Variants in NEDD9 observed in about 807,000 individuals in gnomAD.
The protein encoded by NEDD9 is enhancer of filamentation 1.
A neutral mutation model predicts 76.6 loss-of-function variants in NEDD9; 26 were observed. The ratio of observed to expected loss-of-function variants is 0.34; its 90% CI spans 0.25 to 0.47. The LOEUF (loss-of-function observed/expected upper bound fraction) is 0.47. Ranked by LOEUF, NEDD9 falls within the 20% of genes least tolerant of loss-of-function variation. The probability of loss-of-function intolerance (pLI) is 1.00; values close to 1 mark genes in which losing one functional copy is unlikely to be tolerated. For synonymous variants in NEDD9, 392 were observed against 414.2 expected (o/e 0.95, Z 0.65); for missense variants, 937 against 1,058.5 (o/e 0.89, Z 1.59).
intron 6 of NEDD9, 55 bp downstream of exon 6, chr6:11,188,163 T>A: frequency 1.5e-6 from 2 of 1,293,922 alleles, no homozygotes; most frequent in Admixed American, 3.4e-5. Context: ...CTTTCCTTAG[T>A]GCTAGGTGGG....
At chr6:11,294,373 G>A (rs957042123) in intron 3 of NEDD9, among the ~76,000 whole-genome samples, 1 of 152,100 alleles carries the variant, frequency 6.6e-6, no homozygotes, top group Non-Finnish European at 1.5e-5. Context: ...GTTGGATCAT[G>A]GGGGTGGATT....
chr6:11,370,812 A>T lies in NEDD9; in HGVS notation c.-214+11327T>A, dbSNP rs1762861107. On this transcript the variant is annotated intron_variant, in intron 1 of 3. Transcript: ENST00000397378. This position sits in a 1 kb window ranked among gnomAD's most constrained non-coding sequence, Gnocchi z 4.2. Reference sequence around the variant, plus strand: ...CCCACGGAGCCAACGGTTCAGAGGCAGAAACAGACCATAAGCCAGTACGTC... The same window carrying T: ...CCCACGGAGCCAACGGTTCAGAGGCTGAAACAGACCATAAGCCAGTACGTC... 6.6e-6 allele frequency among the ~76,000 whole-genome samples: 1 copy of T among 152,250 alleles called. No homozygotes were observed. Among genetic ancestry groups the T allele is most frequent in the Non-Finnish European group, 1.5e-5 (1 of 68,038 alleles).
rs556572449 is a variant in NEDD9, at chr6:11,379,682, C to T, written c.-214+2457G>A. ...CCTACAAATTAAAAAAAAAACAGGC[C>T]GTTGTGGTTTAATATAAGGTAACCA... On this transcript the variant is annotated intron_variant, in intron 1 of 3. Coordinates refer to the NEDD9 transcript ENST00000397378. 1.1e-3 allele frequency among the ~76,000 whole-genome samples: 170 copies of T among 151,488 alleles called. 1 individual carries two copies. Among genetic ancestry groups the T allele is most frequent in the Non-Finnish European group, 2.2e-3 (151 of 67,858 alleles).
At position 11,297,682 on chromosome 6, in the gene NEDD9, A is replaced by G. The variant is rs951497273; in HGVS notation, c.12+8310T>C. 5.3e-5 allele frequency among the ~76,000 whole-genome samples: 8 copies of G among 152,306 alleles called. No homozygotes were observed. In the East Asian group the frequency reaches 1.4e-3, roughly 26 times the overall value. ...CTTTTTATGTGCTATAAAACTCAGGAAGCTTCTTTTGAGGGCTTAGTACGT... is the reference window on the plus strand; with the variant it reads ...CTTTTTATGTGCTATAAAACTCAGGGAGCTTCTTTTGAGGGCTTAGTACGT... On this transcript the variant is annotated intron_variant, in intron 3 of 3. Transcript: ENST00000397378.
At chr6:11,376,081 C>T (rs1044909002) in intron 1 of NEDD9, among the ~76,000 whole-genome samples, 1 of 152,228 alleles carries the variant, frequency 6.6e-6, no homozygotes, top group African/African-American at 2.4e-5. Context: ...GTCTCGGCCT[C>T]CCAAAGTGCT....
intron 3 of NEDD9, among the ~76,000 whole-genome samples, chr6:11,192,812 A>T (rs1257863121): frequency 2.6e-5 from 4 of 151,324 alleles, no homozygotes; most frequent in Admixed American, 2.0e-4. Flanking sequence ...GCACACCTGT[A>T]GTCCCAGCTA....
chr6:11,269,190 TTGTC>T (rs1343983564), intron 3 of NEDD9, among the ~76,000 whole-genome samples: 1 of 152,332 alleles, frequency 6.6e-6, no homozygotes, highest in African/African-American at 2.4e-5. Flanking sequence ...GCTCTGGACT[TTGTC>T]TGGTTAGGTG....
At chr6:11,192,249 C>G (rs1042301927) in intron 4 of NEDD9, 96 bp downstream of exon 4, 1 of 685,960 alleles carries the variant, frequency 1.5e-6, no homozygotes, top group Non-Finnish European at 2.3e-6. Context: ...TTGTTTTATT[C>G]GAGTGAACTA....
chr6:11,375,920 G>A (rs542426763), intron 1 of NEDD9, among the ~76,000 whole-genome samples: 27 of 152,262 alleles, frequency 1.8e-4, no homozygotes, highest in Admixed American at 4.6e-4. Context: ...CGCCTCCCGG[G>A]TTCATGCCAT....
At chr6:11,240,708 C>G (rs1051608586) in intron 3 of NEDD9, among the ~76,000 whole-genome samples, 4 of 152,182 alleles carry the variant, frequency 2.6e-5, no homozygotes, top group Non-Finnish European at 5.9e-5. Context: ...AATAAATTCA[C>G]TCGACTCTAG....
intron 1 of NEDD9, among the ~76,000 whole-genome samples, chr6:11,366,356 T>C (rs7738560): frequency 0.75 from 106,234 of 142,468 alleles, 38,973 homozygotes; most frequent in African/African-American, 0.88. Flanking sequence ...AAGAAAGAAA[T>C]GAAGAAAGAA....
At chr6:11,381,888 C>A (rs976524343) in intron 1 of NEDD9, among the ~76,000 whole-genome samples, 1 of 152,224 alleles carries the variant, frequency 6.6e-6, no homozygotes, top group African/African-American at 2.4e-5. Flanking sequence ...CAGGAAGCAT[C>A]TACCCAGAAC....
chr6:11,374,601 G>A (rs1762942043), intron 1 of NEDD9, among the ~76,000 whole-genome samples: 2 of 152,178 alleles, frequency 1.3e-5, no homozygotes, highest in South Asian at 4.1e-4. Context: ...ATAACTGTGT[G>A]GTAGCTGCAT....
intron 3 of NEDD9, among the ~76,000 whole-genome samples, chr6:11,291,037 G>A (rs1760750209): frequency 6.6e-6 from 1 of 152,022 alleles, no homozygotes; most frequent in Non-Finnish European, 1.5e-5. Context: ...GAAAGGCCCC[G>A]AGATACTGGA....
At chr6:11,294,006 A>AGTGTGTGTGTGTGTGTGTGTATGT (rs57803150) in intron 3 of NEDD9, among the ~76,000 whole-genome samples, 1 of 150,956 alleles carries the variant, frequency 6.6e-6, no homozygotes, top group Non-Finnish European at 1.5e-5. Context: ...CCATTGTGTA[A>AGTGTGTGTGTGTGTGTGTGTATGT]GTGTGTGTGT....
chr6:11,322,464 G>A (rs996858661), intron 2 of NEDD9, among the ~76,000 whole-genome samples: 1 of 152,148 alleles, frequency 6.6e-6, no homozygotes, highest in African/African-American at 2.4e-5. Context: ...AGAGGTCAAG[G>A]GGCATCTCGT....
intron 3 of NEDD9, among the ~76,000 whole-genome samples, chr6:11,193,153 A>G (rs1758202714): frequency 1.3e-5 from 2 of 148,874 alleles, no homozygotes; most frequent in Non-Finnish European, 3.0e-5. Flanking sequence ...AAATACAAAA[A>G]TTAGTCAGGT....
At chr6:11,205,516 G>GCAAT (rs1758582173) in intron 2 of NEDD9, among the ~76,000 whole-genome samples, 1 of 152,136 alleles carries the variant, frequency 6.6e-6, no homozygotes, top group Non-Finnish European at 1.5e-5. Flanking sequence ...TAAATCAGAG[G>GCAAT]CGATTGTGGC....
intron 3 of NEDD9, among the ~76,000 whole-genome samples, chr6:11,260,028 C>A (rs1314152142): frequency 6.6e-6 from 1 of 151,794 alleles, no homozygotes; most frequent in African/African-American, 2.4e-5. Context: ...GAAATCGTAC[C>A]ATTAGGGATT....
Sources: gnomAD v4.1 joint callset for allele counts (sites outside exome capture counted in the v4.1 genomes callset) on GRCh38, gnomAD v4.1.1 for gene constraint, Gnocchi (gnomAD v3.1) non-coding constraint, MANE v1.5 for transcripts, NCBI Gene and HGNC (gene_info 2026-07-23, HGNC 2026-07-21) for gene names.